FHIT: variants seen among roughly 807,000 people sequenced by gnomAD.
FHIT encodes the protein bis(5'-adenosyl)-triphosphatase.
FHIT carries 19 observed loss-of-function variants against 17.9 expected under a neutral mutation model. The ratio of observed to expected loss-of-function variants is 1.06; its 90% CI spans 0.74 to 1.56. FHIT has a LOEUF of 1.56. Ranked by LOEUF, FHIT falls within the 40% of genes most tolerant of loss-of-function variation. The probability of loss-of-function intolerance (pLI) is 0.00; values close to 1 mark genes in which losing one functional copy is unlikely to be tolerated. For missense variants in FHIT, 248 were observed against 189.2 expected (o/e 1.31, Z -1.82); for synonymous variants, 81 against 69.7 (o/e 1.16, Z -0.81).
At chr3:60,189,498 G>A (rs1302623064) in intron 5 of FHIT, among the ~76,000 whole-genome samples, 7 of 152,044 alleles carry the variant, frequency 4.6e-5, no homozygotes, top group East Asian at 1.9e-4. Flanking sequence ...CTACAACTCC[G>A]CCCTACCCCC....
chr3:59,769,661 G>A lies in FHIT; in HGVS notation c.349-17340C>T, dbSNP rs150036200. Among the ~76,000 whole-genome samples, 116 of 151,960 alleles carry A rather than the reference G, an allele frequency of 7.6e-4. 1 individual carries two copies. In the East Asian group the frequency reaches 0.017, roughly 22 times the overall value. ...TTTCGGATACCATAGCAGTACACAC[G>A]GAACGGCAGACTTTGCTGCCAGCTT... is the stretch of plus-strand genomic sequence containing the variant. On this transcript the variant is annotated intron_variant, in intron 8 of 9. Coordinates refer to ENST00000492590, the MANE Select transcript of FHIT (RefSeq NM_002012.4).
intron 2 of FHIT, among the ~76,000 whole-genome samples, chr3:61,152,896 C>T (rs1469521568): frequency 1.3e-5 from 2 of 152,056 alleles, no homozygotes; most frequent in African/African-American, 4.8e-5. Context: ...GTAATCCCAG[C>T]ACTTTGGGAG....
intron 5 of FHIT, among the ~76,000 whole-genome samples, chr3:60,057,575 T>C (rs143208757): frequency 2.9e-3 from 445 of 152,226 alleles, no homozygotes; most frequent in African/African-American, 0.01. Flanking sequence ...ACCAACCCAA[T>C]AATCCCATAG....
At chr3:60,191,424 G>A (rs535690403) in intron 5 of FHIT, among the ~76,000 whole-genome samples, 1 of 152,266 alleles carries the variant, frequency 6.6e-6, no homozygotes, top group East Asian at 1.9e-4. Flanking sequence ...TAACTAGCAA[G>A]ATAAAAAGCA....
At chr3:59,829,865 C>T (rs1448892098) in intron 8 of FHIT, among the ~76,000 whole-genome samples, 1 of 152,002 alleles carries the variant, frequency 6.6e-6, no homozygotes, top group Non-Finnish European at 1.5e-5. Context: ...AGAGAGCCAC[C>T]AGTCCCTTAA....
At chr3:60,750,206 G>A (rs1479823829) in intron 4 of FHIT, among the ~76,000 whole-genome samples, 1 of 152,114 alleles carries the variant, frequency 6.6e-6, no homozygotes, top group African/African-American at 2.4e-5. Flanking sequence ...TGGGGACCGA[G>A]AAGAGGCCAC....
At chr3:60,322,114 C>G (rs1202784807) in intron 5 of FHIT, among the ~76,000 whole-genome samples, 1 of 152,166 alleles carries the variant, frequency 6.6e-6, no homozygotes, top group East Asian at 1.9e-4. Context: ...CAGGTACAGC[C>G]CATAGAAATA....
rs1701113250 is a variant in FHIT, at chr3:60,165,111, G to C, written c.104-150959C>G. On this transcript the variant is annotated intron_variant, in intron 5 of 9. Transcript: ENST00000492590. ...CCAGTGAGTCAGATGGGAGCCAAAA[G>C]GAAGTGATGAGGATGATGACAAACA... is the stretch of plus-strand genomic sequence containing the variant. Among the ~76,000 whole-genome samples the C allele has an allele frequency of 1.3e-5, 2 of 152,182 alleles. 1 individual carries two copies. Among genetic ancestry groups the C allele is most frequent in the South Asian group, 4.1e-4 (2 of 4,836 alleles).
chr3:60,120,370 T>C (rs1348929566), intron 5 of FHIT, among the ~76,000 whole-genome samples: 2 of 152,208 alleles, frequency 1.3e-5, no homozygotes, highest in Non-Finnish European at 2.9e-5. Flanking sequence ...GTTAAAGATA[T>C]TATAAATAAA....
intron 2 of FHIT, among the ~76,000 whole-genome samples, chr3:61,060,200 A>G (rs774899892): frequency 1.3e-5 from 2 of 152,214 alleles, no homozygotes; most frequent in Non-Finnish European, 2.9e-5. Flanking sequence ...AAATATTCAA[A>G]GTGTTTTGGT....
chr3:60,150,216 C>T (rs952187043), intron 5 of FHIT, among the ~76,000 whole-genome samples: 10 of 151,894 alleles, frequency 6.6e-5, no homozygotes, highest in Non-Finnish European at 7.4e-5. Flanking sequence ...AGGCTGGTCT[C>T]GAGCTCCTGA....
intron 5 of FHIT, among the ~76,000 whole-genome samples, chr3:60,123,970 ATATATATATAT>A (rs1559653311): frequency 1.6e-4 from 3 of 18,422 alleles, no homozygotes; most frequent in Admixed American, 9.2e-4. Flanking sequence ...CACTAAAAAT[ATATATATATAT>A]ATATATATAT....
At chr3:61,054,866 C>T (rs1305555041) in intron 2 of FHIT, among the ~76,000 whole-genome samples, 1 of 152,170 alleles carries the variant, frequency 6.6e-6, no homozygotes, top group Non-Finnish European at 1.5e-5. Flanking sequence ...CCCTGGGACA[C>T]TTTGGGGTCC....
chr3:60,918,042 G>A (rs1199949908), intron 3 of FHIT, among the ~76,000 whole-genome samples: 1 of 152,228 alleles, frequency 6.6e-6, no homozygotes, highest in South Asian at 2.1e-4. Context: ...TTGAATCATG[G>A]GGGCACTTCC....
chr3:60,067,771 G>C (rs969658159), intron 5 of FHIT, among the ~76,000 whole-genome samples: 2 of 152,198 alleles, frequency 1.3e-5, no homozygotes, highest in Non-Finnish European at 2.9e-5. Context: ...TACCCAGTGA[G>C]AGCTTGTTAA....
intron 4 of FHIT, among the ~76,000 whole-genome samples, chr3:60,675,299 C>T (rs540085328): frequency 1.3e-5 from 2 of 152,306 alleles, no homozygotes; most frequent in South Asian, 2.1e-4. Context: ...ACAAATGATC[C>T]TATTTATTCT....
At chr3:60,775,748 G>A (rs911530584) in intron 4 of FHIT, among the ~76,000 whole-genome samples, 10 of 151,940 alleles carry the variant, frequency 6.6e-5, no homozygotes, top group African/African-American at 1.9e-4. Context: ...GGGATGGACC[G>A]GCGAGCAGCA....
chr3:59,900,029 C>T (rs535965527), intron 8 of FHIT, among the ~76,000 whole-genome samples: 1 of 152,302 alleles, frequency 6.6e-6, no homozygotes, highest in East Asian at 1.9e-4. Context: ...GGCCAGGGCC[C>T]ACAGGTATCG....
At chr3:60,012,505 G>A (rs1162332619) in intron 6 of FHIT, among the ~76,000 whole-genome samples, 2 of 152,062 alleles carry the variant, frequency 1.3e-5, no homozygotes, top group Admixed American at 6.6e-5. Context: ...CTGAGCTCAA[G>A]AGAGCTGCCG....
Sources: allele counts gnomAD v4.1 joint callset (sites outside exome capture counted in the v4.1 genomes callset), GRCh38; gene constraint gnomAD v4.1.1; transcripts MANE v1.5; gene names NCBI Gene and HGNC (gene_info 2026-07-23, HGNC 2026-07-21).